Variants in PPARGC1A observed in about 807,000 individuals in gnomAD.
The protein encoded by PPARGC1A is PPARG coactivator 1 alpha.
A neutral mutation model predicts 88.7 loss-of-function variants in PPARGC1A; 25 were observed. That is an observed-to-expected ratio of 0.28 (90% CI 0.21 to 0.39). PPARGC1A has a LOEUF of 0.39. Ranked by LOEUF, PPARGC1A falls within the 10% of genes least tolerant of loss-of-function variation. PPARGC1A has a pLI of 1.00. For missense variants in PPARGC1A, 880 were observed against 968.7 expected, an observed-to-expected ratio of 0.91 and a Z score of 1.22; for synonymous variants, 363 against 355.6, an observed-to-expected ratio of 1.02 and a Z score of -0.24.
At chr4:23,850,521 G>GA (rs1209289210) in intron 2 of PPARGC1A, among the ~76,000 whole-genome samples, 1 of 152,146 alleles carries the variant, frequency 6.6e-6, no homozygotes, top group Non-Finnish European at 1.5e-5. Flanking sequence ...GTTTCTAGTA[G>GA]AAAATACAGT....
chr4:24,372,856 T>C, the PPARGC1A span, among the ~76,000 whole-genome samples: 2 of 152,236 alleles, frequency 1.3e-5, no homozygotes, highest in Non-Finnish European at 2.9e-5. Flanking sequence ...TAAATGTTAC[T>C]ACTTCCTTCC....
chr4:24,184,142 T>A, the PPARGC1A span, among the ~76,000 whole-genome samples: 1 of 152,290 alleles, frequency 6.6e-6, no homozygotes, highest in African/African-American at 2.4e-5. Context: ...GCCAATGGAT[T>A]TGAAACCAAT....
the PPARGC1A span, among the ~76,000 whole-genome samples, chr4:24,014,264 C>A: frequency 6.6e-6 from 1 of 152,250 alleles, no homozygotes; most frequent in East Asian, 1.9e-4. Context: ...GAACCTTGAC[C>A]CTCACTTGCA....
In PPARGC1A at chr4:23,812,826, C is replaced by T. The variant is rs1234215603; in HGVS notation, c.1940G>A (p.Arg647Lys). The T allele has an allele frequency of 1.9e-6, 3 of 1,614,040 alleles. No individual in the cohort carries two copies. Among genetic ancestry groups the T allele is most frequent in the Admixed American group, 1.7e-5 (1 of 60,014 alleles). The change falls in exon 10 of 13, where the codon AGG becomes AAG. Residue 647 changes from arginine to lysine, a missense_variant. Transcript: ENST00000264867. ...YEEYQHERLK[R>K]EEYRREYEKR... ...CTCATACTCTCTGCGATATTCTTCC[C>T]TCTTCAGCCTCTCGTGCTGATATTC...
the PPARGC1A span, among the ~76,000 whole-genome samples, chr4:24,096,799 GCTGA>G: frequency 3.3e-5 from 5 of 152,132 alleles, no homozygotes; most frequent in African/African-American, 1.2e-4. Context: ...TTAAGAATAT[GCTGA>G]CTAATAAGAA....
chr4:24,161,237 C>T, the PPARGC1A span, among the ~76,000 whole-genome samples: 1 of 152,182 alleles, frequency 6.6e-6, no homozygotes, highest in East Asian at 1.9e-4. Flanking sequence ...TGACTTTATT[C>T]AAGGGTCTCT....
At chr4:24,418,337 T>C in the PPARGC1A span, among the ~76,000 whole-genome samples, 1 of 152,158 alleles carries the variant, frequency 6.6e-6, no homozygotes, top group Non-Finnish European at 1.5e-5. Context: ...ACATCAAGCG[T>C]TAACTAGTGT....
In PPARGC1A at chr4:23,873,221, A is replaced by AAAAAAAAG. The variant is rs1297257881; in HGVS notation, c.234+11530_234+11531insCTTTTTTT. Among the ~76,000 whole-genome samples the AAAAAAAAG allele has an allele frequency of 3.5e-5, 5 of 142,338 alleles. No homozygotes were observed. In the East Asian group the frequency reaches 6.6e-4, roughly 19 times the overall value. 93.4% of individuals were successfully genotyped at this position (142,338 alleles called of 152,430 possible). The stretch of plus-strand genomic sequence containing the variant: ...TCAAAAATAAAAAATAAAAAATAAA[A>AAAAAAAAG]AATAAAGAAAAAAATGTGACCAGCC... On this transcript the variant is annotated intron_variant, in intron 2 of 12. Transcript: ENST00000264867.
At chr4:23,853,141 CAT>C (rs1371104931) in intron 2 of PPARGC1A, among the ~76,000 whole-genome samples, 1 of 151,928 alleles carries the variant, frequency 6.6e-6, no homozygotes, top group East Asian at 1.9e-4. Flanking sequence ...AGAAGGTTTT[CAT>C]TATAGAAAGC....
the PPARGC1A span, among the ~76,000 whole-genome samples, chr4:24,090,282 A>G: frequency 7.9e-5 from 12 of 152,334 alleles, no homozygotes; most frequent in Non-Finnish European, 1.3e-4. Context: ...TTTATTTTGT[A>G]TCCTTTTCTA....
the PPARGC1A span, among the ~76,000 whole-genome samples, chr4:24,200,655 CAA>C: frequency 0.015 from 1,324 of 88,348 alleles, 58 homozygotes; most frequent in African/African-American, 0.043. Context: ...ATTTATTAAG[CAA>C]AAAAAAAAAA....
At chr4:23,887,925 A>G (rs1337682301) in intron 1 of PPARGC1A, among the ~76,000 whole-genome samples, 2 of 152,174 alleles carry the variant, frequency 1.3e-5, no homozygotes, top group Non-Finnish European at 2.9e-5. Context: ...TATCAATCTT[A>G]GTAACCTTAC....
At chr4:24,294,233 G>A in the PPARGC1A span, among the ~76,000 whole-genome samples, 1 of 152,154 alleles carries the variant, frequency 6.6e-6, no homozygotes, top group African/African-American at 2.4e-5. Flanking sequence ...AAAATTTAAT[G>A]TGATACTGCC....
chr4:23,865,139 C>T (rs1291835847), intron 2 of PPARGC1A, among the ~76,000 whole-genome samples: 1 of 152,148 alleles, frequency 6.6e-6, no homozygotes. Context: ...GAACCAAGAT[C>T]ATACCACTGC....
At chr4:24,453,566 G>A in the PPARGC1A span, among the ~76,000 whole-genome samples, 1 of 152,224 alleles carries the variant, frequency 6.6e-6, no homozygotes, top group Non-Finnish European at 1.5e-5. Flanking sequence ...GATCACCTGA[G>A]GTCAGGAGTT....
chr4:23,951,959 T>C, the PPARGC1A span, among the ~76,000 whole-genome samples: 1 of 152,158 alleles, frequency 6.6e-6, no homozygotes, highest in Non-Finnish European at 1.5e-5. Context: ...TGAATGATTC[T>C]GTTTATAACT....
At chr4:24,277,261 T>G in the PPARGC1A span, among the ~76,000 whole-genome samples, 1 of 152,168 alleles carries the variant, frequency 6.6e-6, no homozygotes, top group African/African-American at 2.4e-5. Context: ...GTATTTTTTA[T>G]AGAGACGGGG....
chr4:24,018,489 G>T, the PPARGC1A span, among the ~76,000 whole-genome samples: 1 of 151,884 alleles, frequency 6.6e-6, no homozygotes, highest in Non-Finnish European at 1.5e-5. Context: ...GTGGGGTGAG[G>T]GTGATGAGGG....
the PPARGC1A span, among the ~76,000 whole-genome samples, chr4:24,204,147 C>T: frequency 6.6e-6 from 1 of 152,010 alleles, no homozygotes; most frequent in East Asian, 1.9e-4. Flanking sequence ...TGAGGGCCTC[C>T]TAGGAACACA....
Sources: gnomAD v4.1 joint callset for allele counts (sites outside exome capture counted in the v4.1 genomes callset) on GRCh38, gnomAD v4.1.1 for gene constraint, MANE v1.5 for transcripts, NCBI Gene and HGNC (gene_info 2026-07-23, HGNC 2026-07-21) for gene names.